MADD: variants seen among roughly 807,000 people sequenced by gnomAD.
The protein encoded by MADD is MAP kinase-activating death domain protein.
MADD carries 109 observed loss-of-function variants against 176.7 expected under a neutral mutation model. That is an observed-to-expected ratio of 0.62 (90% CI 0.53 to 0.72). The LOEUF is 0.72. Among genes scored for constraint, MADD ranks in the 30% least tolerant of loss-of-function variants. The pLI is 0.00. For missense variants in MADD, 1,914 were observed against 2,045.5 expected, an observed-to-expected ratio of 0.94 and a Z score of 1.24; for synonymous variants, 771 against 771.3, an observed-to-expected ratio of 1.00 and a Z score of 0.01.
chr11:47,326,969 C>T (rs1030890398), intron 31 of MADD, 162 bp downstream of exon 35: 225 of 1,399,418 alleles, frequency 1.6e-4, no homozygotes, highest in Admixed American at 6.7e-4. Flanking sequence ...AGATGAGAGC[C>T]GGGATGTGGA....
At chr11:47,315,462 G>T (rs1343880936) in intron 27 of MADD, 135 bp downstream of exon 30, 9 of 539,284 alleles carry the variant, frequency 1.7e-5, no homozygotes, top group East Asian at 6.5e-5. Flanking sequence ...TATCAGATTG[G>T]TTTTTTTGTT....
intron 20 of MADD, 68 bp downstream of exon 22, chr11:47,294,051 A>C (rs1177961751): frequency 4.6e-6 from 6 of 1,307,544 alleles, no homozygotes; most frequent in African/African-American, 4.3e-5. Context: ...CTTTAAGTTA[A>C]AATAGAACAG....
intron 31 of MADD, chr11:47,327,757 C>T (rs2095614386): frequency 1.0e-6 from 1 of 985,434 alleles, no homozygotes; most frequent in Non-Finnish European, 1.2e-6. Flanking sequence ...CAAATTCTAC[C>T]TCCCAGGGTC....
At chr11:47,319,353 G>GA (rs1169977937) in intron 27 of MADD, among the ~76,000 whole-genome samples, 2 of 151,924 alleles carry the variant, frequency 1.3e-5, no homozygotes, top group African/African-American at 4.8e-5. Flanking sequence ...GGATGGTCTT[G>GA]AACTCCTGAC....
chr11:47,296,529 A>G (rs762551963), intron 22 of MADD, among the ~76,000 whole-genome samples: 2 of 152,188 alleles, frequency 1.3e-5, no homozygotes, highest in Non-Finnish European at 2.9e-5. Flanking sequence ...ATAAACATCC[A>G]TGAAGTGATT....
chr11:47,287,714 T>A (rs897421286), intron 15 of MADD, among the ~76,000 whole-genome samples: 2 of 151,780 alleles, frequency 1.3e-5, no homozygotes, highest in Non-Finnish European at 2.9e-5. Context: ...CTGGCCTGAT[T>A]TTTTTGTTTT....
exon 4 of MADD, chr11:47,276,116 G>T (rs1402238076): frequency 6.2e-7 from 1 of 1,614,076 alleles, no homozygotes; most frequent in Non-Finnish European, 8.5e-7. Context: ...ATTCACCCTA[G>T]TGGATTTCCC....
At chr11:47,277,149 C>G (rs1005593115) in intron 5 of MADD, among the ~76,000 whole-genome samples, 3 of 152,224 alleles carry the variant, frequency 2.0e-5, no homozygotes, top group Non-Finnish European at 4.4e-5. Flanking sequence ...AGGACACATT[C>G]CAAGACCCAC....
At chr11:47,324,784 A>G in intron 30 of MADD, 1 of 693,852 alleles carries the variant, frequency 1.4e-6, no homozygotes, top group South Asian at 1.5e-5. Flanking sequence ...TGCACCAGGG[A>G]GCCCGTGGGG....
At chr11:47,306,145 A>C (rs2140445855) in intron 22 of MADD, among the ~76,000 whole-genome samples, 1 of 152,152 alleles carries the variant, frequency 6.6e-6, no homozygotes, top group African/African-American at 2.4e-5. Context: ...TACTGTTTTC[A>C]TAGTGGATAG....
chr11:47,314,699 C>A (rs774140620), intron 26 of MADD, among the ~76,000 whole-genome samples: 1 of 152,174 alleles, frequency 6.6e-6, no homozygotes, highest in Admixed American at 6.6e-5. Context: ...AATCCTCTTC[C>A]ATTTTCCAAA....
chr11:47,306,459 C>A (rs1438073067), intron 22 of MADD, among the ~76,000 whole-genome samples: 1 of 152,226 alleles, frequency 6.6e-6, no homozygotes, highest in Non-Finnish European at 1.5e-5. Flanking sequence ...GGGAGCACAG[C>A]TGTATGGACT....
At chr11:47,297,433 G>C (rs2073477131) in intron 22 of MADD, among the ~76,000 whole-genome samples, 2 of 151,818 alleles carry the variant, frequency 1.3e-5, no homozygotes, top group Admixed American at 1.3e-4. Flanking sequence ...AGTTTATTAG[G>C]GGTTTTCTTT....
intron 23 of MADD, 71 bp from the exon 27 acceptor site, chr11:47,309,210 C>A: frequency 1.3e-6 from 2 of 1,575,770 alleles, no homozygotes; most frequent in Non-Finnish European, 1.7e-6. Context: ...GGATTTTACT[C>A]TTTATTTTTG....
At chr11:47,294,748 T>G (rs964374492) in intron 20 of MADD, among the ~76,000 whole-genome samples, 1 of 150,490 alleles carries the variant, frequency 6.6e-6, no homozygotes, top group Non-Finnish European at 1.5e-5. Context: ...ATTAAATAAG[T>G]ATAATAGATC....
At chr11:47,304,537 G>A (rs1355677706) in intron 22 of MADD, among the ~76,000 whole-genome samples, 2 of 151,982 alleles carry the variant, frequency 1.3e-5, no homozygotes, top group East Asian at 1.9e-4. Context: ...GCCCTCTATT[G>A]TATTTTTTAA....
intron 7 of MADD, 147 bp downstream of exon 7, chr11:47,279,226 C>A: frequency 1.5e-6 from 1 of 680,838 alleles, no homozygotes; most frequent in South Asian, 1.8e-5. Context: ...AACGCGTATC[C>A]CATTTCTGGG....
At chr11:47,277,109 C>T (rs887893722) in intron 5 of MADD, among the ~76,000 whole-genome samples, 1 of 152,178 alleles carries the variant, frequency 6.6e-6, no homozygotes, top group Admixed American at 6.6e-5. Flanking sequence ...ACGTGTGTTA[C>T]GTAATACAGT....
intron 27 of MADD, among the ~76,000 whole-genome samples, chr11:47,318,811 T>A (rs1296678454): frequency 2.3e-5 from 2 of 88,448 alleles, no homozygotes; most frequent in Non-Finnish European, 4.8e-5. Context: ...TTTTTTTTTT[T>A]TTTTTTTTTT....
Sources: gnomAD v4.1 joint callset for allele counts (sites outside exome capture counted in the v4.1 genomes callset) on GRCh38, gnomAD v4.1.1 for gene constraint, MANE v1.5 for transcripts, NCBI Gene and HGNC (gene_info 2026-07-23, HGNC 2026-07-21) for gene names.